Variants in RASA1 observed in about 807,000 individuals in gnomAD.
RASA1 encodes ras GTPase-activating protein 1.
Under a neutral mutation model 132.2 loss-of-function variants are expected in RASA1, and 25 were observed. That is an observed-to-expected ratio of 0.19 (90% CI 0.14 to 0.26). RASA1 has a LOEUF of 0.26. Among genes scored for constraint, RASA1 ranks in the 10% least tolerant of loss-of-function variants. The probability of loss-of-function intolerance (pLI) is 1.00; values close to 1 mark genes in which losing one functional copy is unlikely to be tolerated. For missense variants in RASA1, 964 were observed against 1,299.2 expected, an observed-to-expected ratio of 0.74 and a Z score of 3.97; for synonymous variants, 477 against 449.9, an observed-to-expected ratio of 1.06 and a Z score of -0.76.
Position 87,337,975 on chromosome 5 carries a change from T to C in RASA1, c.901T>C (p.Phe301Leu). ...TAACTTTAAAATTGCTATTTTCAGT[T>C]TCTTAAAAGGAGATATGTTCATTGT... Reference protein sequence around the residue: ...TKVPDTDEISFLKGDMFIVHN... With the variant: ...TKVPDTDEISLLKGDMFIVHN... Residue 301 changes from phenylalanine (F) to leucine (L), a missense_variant and splice_region_variant, in exon 5 of 25, where the codon TTC becomes CTC. Transcript: ENST00000274376. The C allele has an allele frequency of 6.2e-7, 1 of 1,604,612 alleles. No homozygotes were observed.
At chr5:87,375,261 GCTTT>G (rs1761245246) in intron 15 of RASA1, among the ~76,000 whole-genome samples, 1 of 151,740 alleles carries the variant, frequency 6.6e-6, no homozygotes, top group South Asian at 2.1e-4. Context: ...GGTTTTTCCT[GCTTT>G]TTTTTTTCTT....
chr5:87,316,040 A>G (rs192207943), intron 1 of RASA1, among the ~76,000 whole-genome samples: 90 of 152,360 alleles, frequency 5.9e-4, no homozygotes, highest in African/African-American at 2.1e-3. Context: ...TGTATACCAA[A>G]TAATACATTT....
intron 1 of RASA1, among the ~76,000 whole-genome samples, chr5:87,309,165 CT>C (rs1755754992): frequency 6.6e-6 from 1 of 152,020 alleles, no homozygotes; most frequent in Non-Finnish European, 1.5e-5. Context: ...TTTTTAGAAC[CT>C]GTCTTATCCC....
At chr5:87,344,743 G>A (rs774074017) in intron 6 of RASA1, among the ~76,000 whole-genome samples, 2 of 142,188 alleles carry the variant, frequency 1.4e-5, no homozygotes, top group Non-Finnish European at 1.5e-5. Context: ...GGTCTCAAAC[G>A]CCTGGCCTCA....
Position 87,389,623 on chromosome 5 carries a change from T to C in RASA1, c.3060+96T>C, listed in dbSNP as rs538416197. The C allele has an allele frequency of 1.1e-5, 17 of 1,501,338 alleles. No homozygotes were observed. The African/African-American group carries it at 2.2e-4, about 19-fold the overall frequency. The allele number at this position is 1,501,338 out of a possible 1,614,324, so 93.0% of individuals were successfully genotyped here. On this transcript the variant is annotated intron_variant, in intron 24 of 24. Coordinates refer to ENST00000274376, the MANE Select transcript of RASA1 (RefSeq NM_002890.3). ...AATTCTGGTTAACATTTTTATCTTG[T>C]TACATTAAATTTTTGAGACTCTGCA...
chr5:87,389,351 A>C (rs765120457), intron 23 of RASA1, 42 bp from the exon 24 acceptor site: 1 of 1,611,282 alleles, frequency 6.2e-7, no homozygotes, highest in South Asian at 1.1e-5. Context: ...AAAAAAAAAG[A>C]AGATTTGTAT....
At chr5:87,384,125 T>C (rs1761913004) in intron 21 of RASA1, among the ~76,000 whole-genome samples, 1 of 152,202 alleles carries the variant, frequency 6.6e-6, no homozygotes, top group African/African-American at 2.4e-5. Flanking sequence ...AGCCCATTGC[T>C]AGACTGCTGC....
chr5:87,287,889 TATACCATATATAC>T (rs1754731674), intron 1 of RASA1, among the ~76,000 whole-genome samples: 1 of 136,592 alleles, frequency 7.3e-6, no homozygotes, highest in Non-Finnish European at 1.6e-5. Flanking sequence ...ACACCATATA[TATACCATATATAC>T]ACACACCATA....
intron 1 of RASA1, among the ~76,000 whole-genome samples, chr5:87,319,204 T>A (rs1227044788): frequency 6.6e-6 from 1 of 152,190 alleles, no homozygotes; most frequent in African/African-American, 2.4e-5. Context: ...TGCCTGCAAC[T>A]TTTGCAGGCA....
chr5:87,280,760 T>C (rs1016788329), intron 1 of RASA1, among the ~76,000 whole-genome samples: 1 of 151,976 alleles, frequency 6.6e-6, no homozygotes, highest in Non-Finnish European at 1.5e-5. Context: ...GAATTTTCTT[T>C]CTTTCTTTTT....
At chr5:87,374,994 A>G in intron 15 of RASA1, 78 bp downstream of exon 15, 1 of 1,505,230 alleles carries the variant, frequency 6.6e-7, no homozygotes, top group East Asian at 2.4e-5. Flanking sequence ...AAAGTCTTAA[A>G]ATAGAAATTA....
chr5:87,356,538 C>G (rs1759665526), intron 9 of RASA1, among the ~76,000 whole-genome samples: 1 of 152,056 alleles, frequency 6.6e-6, no homozygotes, highest in African/African-American at 2.4e-5. Context: ...TGCAGGTGTA[C>G]ACCACCGTGC....
At chr5:87,388,154 A>G (rs951880257) in intron 23 of RASA1, among the ~76,000 whole-genome samples, 7 of 152,184 alleles carry the variant, frequency 4.6e-5, no homozygotes, top group Admixed American at 3.3e-4. Context: ...ACTTTATTCT[A>G]AAGTCCTTTC....
chr5:87,320,065 G>A (rs1580252027), intron 1 of RASA1, among the ~76,000 whole-genome samples: 1 of 152,196 alleles, frequency 6.6e-6, no homozygotes, highest in Admixed American at 6.5e-5. Context: ...GGGGCACAAT[G>A]CTGCCAGTCT....
At chr5:87,299,089 C>T (rs928080061) in intron 1 of RASA1, among the ~76,000 whole-genome samples, 1 of 152,192 alleles carries the variant, frequency 6.6e-6, no homozygotes, top group African/African-American at 2.4e-5. Context: ...TCGCCAAGGT[C>T]TGATTTTTCA....
intron 1 of RASA1, among the ~76,000 whole-genome samples, chr5:87,309,820 AT>A (rs1561270538): frequency 6.6e-6 from 1 of 152,048 alleles, no homozygotes; most frequent in East Asian, 1.9e-4. Context: ...TTAACATTTA[AT>A]TTGGCATGGT....
At chr5:87,363,230 T>C in intron 10 of RASA1, 118 bp from the exon 11 acceptor site, 1 of 954,144 alleles carries the variant, frequency 1.0e-6, no homozygotes, top group Admixed American at 2.3e-5. Flanking sequence ...AATTGGCATA[T>C]TACATAAGCT....
At chr5:87,376,106 C>T (rs1761307900) in intron 15 of RASA1, 1 of 450,274 alleles carries the variant, frequency 2.2e-6, no homozygotes, top group African/African-American at 2.0e-5. Flanking sequence ...ACAGCACTTA[C>T]CAGTGCTGAA....
intron 1 of RASA1, chr5:87,318,328 G>A (rs1439773659): frequency 6.6e-6 from 1 of 152,066 alleles, no homozygotes; most frequent in South Asian, 2.1e-4. Flanking sequence ...TGAGATAGAG[G>A]AAGATTGATA....
Sources: gnomAD v4.1 joint callset for allele counts (sites outside exome capture counted in the v4.1 genomes callset) on GRCh38, gnomAD v4.1.1 for gene constraint, MANE v1.5 for transcripts, NCBI Gene and HGNC (gene_info 2026-07-23, HGNC 2026-07-21) for gene names.